The following RBPMS2 variants were observed in gnomAD, a reference collection of about 807,000 sequenced individuals.
The protein encoded by RBPMS2 is RNA binding protein, mRNA processing factor 2.
In RBPMS2, 14 loss-of-function variants were observed where a neutral mutation model predicts 25.7. The observed-to-expected ratio is 0.55, with a 90% CI of 0.36 to 0.85. The LOEUF (loss-of-function observed/expected upper bound fraction) is 0.85. Ranked by LOEUF, RBPMS2 falls within the 40% of genes least tolerant of loss-of-function variation. The pLI is 0.01. For synonymous variants in RBPMS2, 127 were observed against 115.6 expected, an observed-to-expected ratio of 1.10 and a Z score of -0.63; for missense variants, 252 against 283.4, an observed-to-expected ratio of 0.89 and a Z score of 0.80.
chr15:64,761,452 C>T (rs1340032426), intron 1 of RBPMS2, among the ~76,000 whole-genome samples: 1 of 152,242 alleles, frequency 6.6e-6, no homozygotes, highest in Admixed American at 6.5e-5. Context: ...AAGTGCCCAG[C>T]TCACGAGTCA....
At chr15:64,759,919 C>T (rs2083767950) in intron 1 of RBPMS2, among the ~76,000 whole-genome samples, 1 of 152,172 alleles carries the variant, frequency 6.6e-6, no homozygotes, top group African/African-American at 2.4e-5. Context: ...GTGATCTGCC[C>T]ACCTTGGCCT....
intron 3 of RBPMS2, 121 bp from the exon 4 acceptor site, chr15:64,749,614 T>A: frequency 1.2e-6 from 1 of 867,228 alleles, no homozygotes; most frequent in Non-Finnish European, 1.7e-6. Flanking sequence ...CTGATGAGAA[T>A]ACAAAAGGAA....
rs745852635 is a variant in RBPMS2, at chr15:64,748,434, G to A, written c.552C>T (p.Ala184=). ...AAGGGCTTACCTGAGCGTGGAGGGC[G>A]GCGGCAGCGGCAGTGGCAGTTGGGT... ...FTYPTATAAA[A]ALHAQVRWYP... is the part of the protein sequence containing the mutation. The change falls in exon 6 of 8, where the codon GCC becomes GCT. Residue 184 remains alanine (A), a synonymous_variant. Transcript: ENST00000300069. 56 of 1,614,018 alleles carry A rather than the reference G, an allele frequency of 3.5e-5. 1 individual carries two copies. Among genetic ancestry groups the A allele is most frequent in the South Asian group, 2.4e-4 (22 of 91,080 alleles).
chr15:64,760,293 C>T (rs1334992807), intron 1 of RBPMS2, among the ~76,000 whole-genome samples: 2 of 152,214 alleles, frequency 1.3e-5, no homozygotes, highest in Non-Finnish European at 2.9e-5. Flanking sequence ...GCGGCCTGGC[C>T]GCTCACCAGA....
intron 6 of RBPMS2, among the ~76,000 whole-genome samples, chr15:64,747,172 AC>A (rs1225878153): frequency 1.7e-4 from 26 of 152,150 alleles, no homozygotes; most frequent in Non-Finnish European, 3.7e-4. Context: ...GTACAACTGA[AC>A]GTTGCGGAGC....
chr15:64,751,669 G>T (rs1182668735), intron 1 of RBPMS2, 31 bp from the exon 2 acceptor site: 2 of 1,592,260 alleles, frequency 1.3e-6, no homozygotes, highest in Middle Eastern at 1.7e-4. Context: ...TCAGGGCCAG[G>T]CTGCCCAAGA....
At chr15:64,749,630 G>A in intron 3 of RBPMS2, 137 bp from the exon 4 acceptor site, 1 of 732,474 alleles carries the variant, frequency 1.4e-6, no homozygotes, top group Non-Finnish European at 2.1e-6. Context: ...AGGAAAAAAA[G>A]CCCCCCAAAA....
intron 1 of RBPMS2, among the ~76,000 whole-genome samples, chr15:64,761,506 C>A (rs1013371369): frequency 1.3e-5 from 2 of 152,174 alleles, no homozygotes; most frequent in Admixed American, 1.3e-4. Context: ...CCACTCAGAC[C>A]CAGTGGGGCC....
intron 1 of RBPMS2, among the ~76,000 whole-genome samples, chr15:64,769,770 G>T (rs993806027): frequency 2.0e-5 from 3 of 152,204 alleles, no homozygotes; most frequent in Non-Finnish European, 4.4e-5. Context: ...TCCTGGCAGG[G>T]GCTGACAGCT....
chr15:64,766,613 C>T (rs1454296737), intron 1 of RBPMS2, among the ~76,000 whole-genome samples: 6 of 151,908 alleles, frequency 3.9e-5, no homozygotes, highest in Admixed American at 1.3e-4. Flanking sequence ...GCAAGCTCTG[C>T]CTCCCGGGTT....
At chr15:64,769,658 T>C (rs139434180) in intron 1 of RBPMS2, among the ~76,000 whole-genome samples, 1 of 151,728 alleles carries the variant, frequency 6.6e-6, no homozygotes, top group East Asian at 1.9e-4. Context: ...AGACTCCATC[T>C]CAAAAATAAA....
At chr15:64,757,104 C>G (rs2083739426) in intron 1 of RBPMS2, among the ~76,000 whole-genome samples, 1 of 151,550 alleles carries the variant, frequency 6.6e-6, no homozygotes, top group Non-Finnish European at 1.5e-5. Flanking sequence ...TCCAGAGTAT[C>G]TGGGACTATA....
chr15:64,750,423 T>C (rs2083665937), intron 2 of RBPMS2, 42 bp from the exon 3 acceptor site: 10 of 1,570,600 alleles, frequency 6.4e-6, no homozygotes, highest in South Asian at 3.3e-5. Flanking sequence ...GTCAGAAGCG[T>C]ATGTTGTGCT....
In RBPMS2 at chr15:64,756,806, C is replaced by CT. The variant is rs11324603; in HGVS notation, c.88-5169dup. ...CAGGCGTCTGCCACCACGCCCAGCT[C>CT]TTTTTTTTTTTTTTGGAGAGACAGG... On this transcript the variant is annotated intron_variant, in intron 1 of 7. Transcript: ENST00000300069. 9.0e-3 allele frequency among the ~76,000 whole-genome samples: 47 copies of CT among 5,212 alleles called. 2 individuals carry two copies. The East Asian group carries it at 0.28, about 31-fold the overall frequency. 3.4% of individuals were successfully genotyped at this position (5,212 alleles called of 152,430 possible).
intron 1 of RBPMS2, among the ~76,000 whole-genome samples, chr15:64,754,429 T>G (rs1380721900): frequency 6.6e-6 from 1 of 151,990 alleles, no homozygotes; most frequent in Non-Finnish European, 1.5e-5. Context: ...CTGACCAACA[T>G]GGAGAAACCC....
intron 1 of RBPMS2, chr15:64,762,406 G>A (rs758383325): frequency 1.9e-6 from 1 of 534,580 alleles, no homozygotes; most frequent in Non-Finnish European, 3.8e-6. Context: ...AGACCACAGA[G>A]CACACGAGCT....
intron 1 of RBPMS2, among the ~76,000 whole-genome samples, chr15:64,762,085 C>G (rs1032425650): frequency 6.6e-6 from 1 of 152,136 alleles, no homozygotes; most frequent in African/African-American, 2.4e-5. Flanking sequence ...TTCCTGGACT[C>G]AAGCCATCCT....
At chr15:64,750,417 G>A (rs750918924) in intron 2 of RBPMS2, 36 bp from the exon 3 acceptor site, 1 of 1,598,754 alleles carries the variant, frequency 6.3e-7, no homozygotes, top group Non-Finnish European at 8.6e-7. Flanking sequence ...TGGAAGGTCA[G>A]AAGCGTATGT....
chr15:64,754,448 C>T (rs2083712972), intron 1 of RBPMS2, among the ~76,000 whole-genome samples: 1 of 152,068 alleles, frequency 6.6e-6, no homozygotes, highest in African/African-American at 2.4e-5. Flanking sequence ...CCCGTCTCTA[C>T]TAAAAAATAC....
Sources: gnomAD v4.1 joint callset for allele counts (sites outside exome capture counted in the v4.1 genomes callset) on GRCh38, gnomAD v4.1.1 for gene constraint, MANE v1.5 for transcripts, NCBI Gene and HGNC (gene_info 2026-07-23, HGNC 2026-07-21) for gene names.